The following NIPBL variants were observed in gnomAD, a reference collection of about 807,000 sequenced individuals.
NIPBL encodes NIPBL cohesin loading factor, also known as nipped-B-like protein.
In NIPBL, 19 loss-of-function variants were observed where a neutral mutation model predicts 321.8. The ratio of observed to expected loss-of-function variants is 0.06; its 90% CI spans 0.04 to 0.09. The LOEUF is 0.09. Ranked by LOEUF, NIPBL falls within the 10% of genes least tolerant of loss-of-function variation. The pLI is 1.00. For synonymous variants in NIPBL, 1,106 were observed against 1,114.1 expected (o/e 0.99, Z 0.14); for missense variants, 2,210 against 3,327.0 (o/e 0.66, Z 8.26).
chr5:37,038,852 T>C, intron 34 of NIPBL, 114 bp downstream of exon 34: 1 of 1,051,174 alleles, frequency 9.5e-7, no homozygotes, highest in South Asian at 1.4e-5. Flanking sequence ...TGTCATTTAC[T>C]TAGATATATG....
At chr5:36,943,548 A>T (rs1389009734) in intron 1 of NIPBL, among the ~76,000 whole-genome samples, 1 of 146,836 alleles carries the variant, frequency 6.8e-6, no homozygotes, top group Admixed American at 6.8e-5. Context: ...ATGTAACTAT[A>T]AAAAAAAAAC....
chr5:37,024,186 C>A lies in NIPBL; in HGVS notation c.5575-399C>A, dbSNP rs188285059. On this transcript the variant is annotated intron_variant, in intron 29 of 46. Coordinates refer to ENST00000282516, the MANE Select transcript of NIPBL (RefSeq NM_133433.4). ...CATCCCAAAAAAAAAAAAGAAGTAA[C>A]CATAAGATAGTGCCAAAGGTTTGAT... Among the ~76,000 whole-genome samples the A allele has an allele frequency of 5.5e-3, 838 of 151,688 alleles. 13 individuals are homozygous for A. Among genetic ancestry groups the A allele is most frequent in the African/African-American group, 0.02 (809 of 41,352 alleles).
intron 1 of NIPBL, among the ~76,000 whole-genome samples, chr5:36,935,209 A>G (rs1441466491): frequency 6.6e-6 from 1 of 152,112 alleles, no homozygotes; most frequent in Admixed American, 6.6e-5. Context: ...TTACCCAGCA[A>G]TTGTACCACA....
chr5:37,046,036 T>G (rs1752949114), intron 37 of NIPBL, 73 bp from the exon 38 acceptor site: 2 of 793,864 alleles, frequency 2.5e-6, no homozygotes, highest in Non-Finnish European at 4.5e-6. Context: ...TTTAAGGTAT[T>G]TTTTTCCTTT....
In NIPBL at chr5:37,052,574, C is replaced by T; in HGVS notation, c.7263+8C>T. 6.2e-7 allele frequency: 1 copy of T among 1,609,846 alleles called. No individual in the cohort carries two copies. ...CTCTTTGATGACACAGCAGTAAGCA[C>T]AAAAACTTATTATTTTAAGAAAATA... On this transcript the variant is annotated splice_region_variant and intron_variant, in intron 42 of 46. Transcript: ENST00000282516.
intron 16 of NIPBL, 58 bp downstream of exon 16, chr5:37,003,405 G>T: frequency 1.1e-6 from 1 of 939,128 alleles, no homozygotes; most frequent in Non-Finnish European, 1.7e-6. Flanking sequence ...ATCTATAGTA[G>T]TCCCCCACTT....
intron 1 of NIPBL, among the ~76,000 whole-genome samples, chr5:36,933,770 A>G (rs1161152312): frequency 6.6e-6 from 1 of 152,020 alleles, no homozygotes; most frequent in Non-Finnish European, 1.5e-5. Context: ...TTCATCAACT[A>G]TACCATATTT....
chr5:36,898,896 T>C (rs908818336), intron 1 of NIPBL, among the ~76,000 whole-genome samples: 1 of 152,230 alleles, frequency 6.6e-6, no homozygotes, highest in Admixed American at 6.5e-5. Flanking sequence ...GCTTCTCCAC[T>C]ACCTTTGAAC....
Position 37,052,230 on chromosome 5 carries a change from C to G in NIPBL, c.7063-136C>G, listed in dbSNP as rs1027940640. On this transcript the variant is annotated intron_variant, in intron 41 of 46. Coordinates refer to ENST00000282516, the MANE Select transcript of NIPBL (RefSeq NM_133433.4). ...AGATAATCTCTAATGTTCCTTCTAG[C>G]ACTTCATTCTGTGATTCGTATTATT... 8.2e-5 allele frequency: 59 copies of G among 721,560 alleles called. 1 individual carries two copies. In the South Asian group the frequency reaches 1.0e-3, roughly 12 times the overall value. The allele number at this position is 721,560 out of a possible 1,614,324, so 44.7% of individuals were successfully genotyped here.
intron 34 of NIPBL, 127 bp from the exon 35 acceptor site, chr5:37,044,220 C>T: frequency 1.2e-6 from 1 of 819,144 alleles, no homozygotes; most frequent in Non-Finnish European, 1.9e-6. Flanking sequence ...AAAACTCTAA[C>T]AGACTTTTTT....
chr5:37,047,322 A>G (rs1354162597), intron 38 of NIPBL, among the ~76,000 whole-genome samples: 1 of 152,226 alleles, frequency 6.6e-6, no homozygotes, highest in Non-Finnish European at 1.5e-5. Context: ...TTTAATCTGC[A>G]TGAGTAGTTA....
chr5:37,012,332 T>TA (rs886592571), intron 21 of NIPBL, among the ~76,000 whole-genome samples: 5 of 150,908 alleles, frequency 3.3e-5, no homozygotes, highest in Non-Finnish European at 5.9e-5. Context: ...TTTTTTTTTT[T>TA]ATCTTGGTGA....
At chr5:37,058,242 A>AT (rs1754307416) in intron 43 of NIPBL, among the ~76,000 whole-genome samples, 1 of 152,170 alleles carries the variant, frequency 6.6e-6, no homozygotes, top group Admixed American at 6.5e-5. Context: ...AGAAGTTAAT[A>AT]ATTTCCCAGG....
At chr5:36,919,481 G>A (rs1748749773) in intron 1 of NIPBL, among the ~76,000 whole-genome samples, 1 of 151,892 alleles carries the variant, frequency 6.6e-6, no homozygotes, top group Admixed American at 6.6e-5. Flanking sequence ...CTACCGGCAT[G>A]TACCACTGCA....
At chr5:36,969,518 G>C (rs542561700) in intron 6 of NIPBL, among the ~76,000 whole-genome samples, 1 of 152,244 alleles carries the variant, frequency 6.6e-6, no homozygotes, top group South Asian at 2.1e-4. Context: ...GGGAAAGAAT[G>C]ATTTCTTTAA....
At chr5:36,952,053 T>TGTGTGTGTGTGTGTGCGTGCGCGC (rs778597604) in intron 1 of NIPBL, among the ~76,000 whole-genome samples, 13 of 112,114 alleles carry the variant, frequency 1.2e-4, no homozygotes, top group Admixed American at 1.8e-4. Context: ...TGTGTGTGTG[T>TGTGTGTGTGTGTGTGCGTGCGCGC]GCGCGCGCGC....
intron 21 of NIPBL, among the ~76,000 whole-genome samples, chr5:37,012,570 A>T (rs1259437440): frequency 5.9e-5 from 9 of 151,818 alleles, no homozygotes; most frequent in African/African-American, 2.2e-4. Context: ...ACAAGTGAAC[A>T]AAGGTCTCTG....
intron 1 of NIPBL, among the ~76,000 whole-genome samples, chr5:36,891,334 AC>A (rs1746316943): frequency 6.6e-6 from 1 of 152,222 alleles, no homozygotes; most frequent in South Asian, 2.1e-4. Flanking sequence ...CAGTTTATAG[AC>A]AGGTAAACAG....
At chr5:36,969,872 G>T (rs1019959259) in intron 6 of NIPBL, among the ~76,000 whole-genome samples, 2 of 152,164 alleles carry the variant, frequency 1.3e-5, no homozygotes, top group African/African-American at 4.8e-5. Context: ...TAAGTAATCT[G>T]TTATTTAGTA....
Sources: allele counts gnomAD v4.1 joint callset (sites outside exome capture counted in the v4.1 genomes callset), GRCh38; gene constraint gnomAD v4.1.1; transcripts MANE v1.5; gene names NCBI Gene and HGNC (gene_info 2026-07-23, HGNC 2026-07-21).